The following PDE4B variants were observed in gnomAD, a reference collection of about 807,000 sequenced individuals.
The protein encoded by PDE4B is phosphodiesterase 4B, also known as 3',5'-cyclic-AMP phosphodiesterase 4B.
PDE4B carries 20 observed loss-of-function variants against 82.2 expected under a neutral mutation model. The ratio of observed to expected loss-of-function variants is 0.24; its 90% confidence interval spans 0.17 to 0.35. PDE4B has a LOEUF of 0.35. Ranked by LOEUF, PDE4B falls within the 10% of genes least tolerant of loss-of-function variation. The probability of loss-of-function intolerance (pLI) is 1.00; values close to 1 mark genes in which losing one functional copy is unlikely to be tolerated. For synonymous variants in PDE4B, 320 were observed against 318.9 expected (o/e 1.00, Z -0.04); for missense variants, 655 against 907.2 (o/e 0.72, Z 3.57).
At position 65,798,110 on chromosome 1, in the gene PDE4B, C is replaced by T. The variant is rs1163685473; in HGVS notation, c.-71+4862C>T. Reference sequence around the variant, plus strand: ...TCGGCTCACTCCAACCTCTGCCTCTCGGGTTCAAGCAATTCTTCTGCCTCA... The same window carrying T: ...TCGGCTCACTCCAACCTCTGCCTCTTGGGTTCAAGCAATTCTTCTGCCTCA... On this transcript the variant is annotated intron_variant, in intron 1 of 16. Transcript: ENST00000341517. Among the ~76,000 whole-genome samples, 8 of 152,164 alleles carry T rather than the reference C, an allele frequency of 5.3e-5. No individual in the cohort carries two copies. The South Asian group carries it at 1.0e-3, about 20-fold the overall frequency.
intron 7 of PDE4B, among the ~76,000 whole-genome samples, chr1:66,329,143 G>A (rs1260099454): frequency 1.3e-5 from 2 of 152,174 alleles, no homozygotes; most frequent in African/African-American, 4.8e-5. Context: ...AAGAGGCAGG[G>A]CCTTCAGGTT....
chr1:65,926,762 A>G (rs542747451), intron 3 of PDE4B, among the ~76,000 whole-genome samples: 183 of 149,140 alleles, frequency 1.2e-3, no homozygotes, highest in African/African-American at 3.9e-3. Flanking sequence ...TTAATTATCC[A>G]CGGATGAGGA....
chr1:66,121,694 G>A (rs908954164), intron 3 of PDE4B, among the ~76,000 whole-genome samples: 9 of 152,092 alleles, frequency 5.9e-5, no homozygotes, highest in African/African-American at 1.4e-4. Context: ...GAAAGCAGCC[G>A]AATACAGTTC....
At chr1:66,219,152 T>C (rs942087448) in intron 3 of PDE4B, among the ~76,000 whole-genome samples, 6 of 152,122 alleles carry the variant, frequency 3.9e-5, no homozygotes, top group African/African-American at 1.4e-4. Context: ...TCAATAAAGA[T>C]AAGTAACTCA....
At chr1:65,915,028 A>G (rs1647143414) in intron 2 of PDE4B, among the ~76,000 whole-genome samples, 1 of 152,216 alleles carries the variant, frequency 6.6e-6, no homozygotes, top group African/African-American at 2.4e-5. Flanking sequence ...TACATGTTGC[A>G]ATGGTTATAT....
chr1:66,140,971 G>C (rs529825224), intron 3 of PDE4B, among the ~76,000 whole-genome samples: 1 of 152,180 alleles, frequency 6.6e-6, no homozygotes, highest in South Asian at 2.1e-4. Context: ...AACATTTTAG[G>C]TCTCTGTCTG....
At chr1:65,971,970 A>G (rs1035541343) in intron 3 of PDE4B, among the ~76,000 whole-genome samples, 1 of 152,156 alleles carries the variant, frequency 6.6e-6, no homozygotes, top group Non-Finnish European at 1.5e-5. Context: ...TATGAATATA[A>G]AATCCATTAT....
chr1:66,073,048 A>G (rs1450079421), intron 3 of PDE4B, among the ~76,000 whole-genome samples: 1 of 149,706 alleles, frequency 6.7e-6, no homozygotes, highest in Admixed American at 6.7e-5. Context: ...CCAGTTCCTT[A>G]TAGAAACATA....
intron 3 of PDE4B, among the ~76,000 whole-genome samples, chr1:66,071,685 G>A (rs898318295): frequency 6.6e-6 from 1 of 152,034 alleles, no homozygotes; most frequent in Non-Finnish European, 1.5e-5. Flanking sequence ...CATTCTAAAA[G>A]AGGAGCATGT....
chr1:65,798,155 T>G (rs1439243079), intron 1 of PDE4B, among the ~76,000 whole-genome samples: 1 of 151,664 alleles, frequency 6.6e-6, no homozygotes, highest in Non-Finnish European at 1.5e-5. Context: ...GTAGCTGGGA[T>G]TACAGGTGTG....
At chr1:65,918,862 A>T in intron 3 of PDE4B, 27 bp downstream of exon 3, 1 of 1,351,096 alleles carries the variant, frequency 7.4e-7, no homozygotes, top group Non-Finnish European at 1.1e-6. Context: ...TCAAATGTCA[A>T]TTCTAAATTT....
At chr1:65,943,248 A>G (rs1217510668) in intron 3 of PDE4B, among the ~76,000 whole-genome samples, 1 of 151,832 alleles carries the variant, frequency 6.6e-6, no homozygotes, top group Admixed American at 6.6e-5. Context: ...AGTTTTGCCA[A>G]CATCGTTTAT....
At chr1:66,292,420 T>C (rs1204482572) in intron 7 of PDE4B, among the ~76,000 whole-genome samples, 2 of 152,212 alleles carry the variant, frequency 1.3e-5, no homozygotes, top group Non-Finnish European at 2.9e-5. Flanking sequence ...TTTAGAATTA[T>C]ACTTTTGCCT....
chr1:66,171,740 T>A (rs939216443), intron 3 of PDE4B, among the ~76,000 whole-genome samples: 2 of 152,134 alleles, frequency 1.3e-5, no homozygotes, highest in African/African-American at 4.8e-5. Context: ...AATGCTTCCC[T>A]TGAAATATTG....
intron 1 of PDE4B, among the ~76,000 whole-genome samples, chr1:65,830,567 T>C (rs1646071042): frequency 1.3e-5 from 2 of 152,126 alleles, no homozygotes; most frequent in Admixed American, 1.3e-4. Context: ...CCAAAACACC[T>C]AGCCACATTT....
At chr1:66,371,003 AAAG>A (rs1335800639) in intron 16 of PDE4B, among the ~76,000 whole-genome samples, 2 of 149,266 alleles carry the variant, frequency 1.3e-5, no homozygotes, top group Admixed American at 1.3e-4. Context: ...AAAGCACCAG[AAAG>A]AAGAAGAATA....
chr1:65,823,214 G>A (rs1445955745), intron 1 of PDE4B, among the ~76,000 whole-genome samples: 8 of 151,868 alleles, frequency 5.3e-5, no homozygotes, highest in Admixed American at 5.2e-4. Flanking sequence ...TGGCCAACAT[G>A]GTGAAACCCC....
At chr1:66,078,459 C>T (rs1036706566) in intron 3 of PDE4B, among the ~76,000 whole-genome samples, 2 of 152,108 alleles carry the variant, frequency 1.3e-5, no homozygotes, top group Non-Finnish European at 2.9e-5. Context: ...ATCTGCCCAC[C>T]TCGGTCTCCC....
intron 3 of PDE4B, among the ~76,000 whole-genome samples, chr1:65,967,643 G>T (rs1414189165): frequency 6.6e-6 from 1 of 152,140 alleles, no homozygotes; most frequent in Non-Finnish European, 1.5e-5. Context: ...TGATAGATTG[G>T]ATAAAGAAAA....
Sources: allele counts gnomAD v4.1 joint callset (sites outside exome capture counted in the v4.1 genomes callset), GRCh38; gene constraint gnomAD v4.1.1; transcripts MANE v1.5; gene names NCBI Gene and HGNC (gene_info 2026-07-23, HGNC 2026-07-21).